The following ACOT7 variants were observed in gnomAD, a reference collection of about 807,000 sequenced individuals.
The protein encoded by ACOT7 is acyl-CoA thioesterase 7, also known as cytosolic acyl coenzyme A thioester hydrolase.
A neutral mutation model predicts 40.2 loss-of-function variants in ACOT7; 12 were observed. The observed-to-expected ratio is 0.30, with a 90% CI of 0.19 to 0.48. The LOEUF (loss-of-function observed/expected upper bound fraction) is 0.48, where lower values mean the gene tolerates loss of function less well. Among genes scored for constraint, ACOT7 ranks in the 20% least tolerant of loss-of-function variants. The probability of loss-of-function intolerance (pLI) is 0.99; values close to 1 mark genes in which losing one functional copy is unlikely to be tolerated. For missense variants in ACOT7, 395 were observed against 530.8 expected (o/e 0.74, Z 2.51); for synonymous variants, 228 against 219.5 (o/e 1.04, Z -0.34).
In ACOT7 at chr1:6,359,794, A is replaced by G. The variant is rs1162165564; in HGVS notation, c.144-9928T>C. ...ATCCTGTGACCAGCAAGGGAAATGG[A>G]AAGTCCCCAGCCAGAGTGCAGGCCG... is the stretch of plus-strand genomic sequence containing the variant. On this transcript the variant is annotated intron_variant, in intron 1 of 8. Transcript: ENST00000361521. This position sits in a 1 kb window ranked among gnomAD's most constrained non-coding sequence, Gnocchi z 4.1. Among the ~76,000 whole-genome samples the G allele has an allele frequency of 6.6e-6, 1 of 152,212 alleles. No homozygotes were observed. Among genetic ancestry groups the G allele is most frequent in the Non-Finnish European group, 1.5e-5 (1 of 68,034 alleles).
At position 6,310,569 on chromosome 1, in the gene ACOT7, T is replaced by C. The variant is rs558408436; in HGVS notation, c.712+7923A>G. On this transcript the variant is annotated intron_variant, in intron 6 of 8. Coordinates refer to ENST00000361521, the MANE Select transcript of ACOT7 (RefSeq NM_007274.4). ...CATAGGGACACGGTTGCTGGATCCA[T>C]TGAGACAAACCTACACTCTAGCTGT... Among the ~76,000 whole-genome samples, 60 of 152,234 alleles carry C rather than the reference T, an allele frequency of 3.9e-4. No individual in the cohort carries two copies. The South Asian group carries it at 9.9e-3, about 25-fold the overall frequency.
intron 6 of ACOT7, among the ~76,000 whole-genome samples, chr1:6,305,862 A>G (rs1212390151): frequency 1.3e-5 from 2 of 152,106 alleles, no homozygotes; most frequent in Admixed American, 6.5e-5. Context: ...GGTTGTAGCG[A>G]GCCGAGATCA....
chr1:6,276,459 C>A lies in ACOT7; in HGVS notation c.1014+4643G>T, dbSNP rs936484860. Among the ~76,000 whole-genome samples, 6 of 151,944 alleles carry A rather than the reference C, an allele frequency of 3.9e-5. No homozygotes were observed. The South Asian group carries it at 6.2e-4, about 16-fold the overall frequency. On this transcript the variant is annotated intron_variant, in intron 8 of 8. Transcript: ENST00000361521. ...GGGAAGTGCTGGCAGCTGCCCGGAG[C>A]GGGTGCGGCAGCCCCCAGCATAAAA...
chr1:6,327,355 T>A lies in ACOT7; in HGVS notation c.569A>T (p.Glu190Val). 3 of 1,614,178 alleles carry A rather than the reference T, an allele frequency of 1.9e-6. No individual in the cohort carries two copies. Among genetic ancestry groups the A allele is most frequent in the Non-Finnish European group, 2.5e-6 (3 of 1,180,024 alleles). The change falls in exon 5 of 9, where the codon GAG (glutamate) becomes GTG (valine). Residue 190 changes from glutamate (E) to valine (V), a missense_variant. Glu to Val is a moderately radical substitution (Grantham distance 121, BLOSUM62 -2). Transcript: ENST00000361521. Reference protein sequence around the residue: ...GRKRYEAQKLERMETKWRNGD... With the variant: ...GRKRYEAQKLVRMETKWRNGD... ...GTTCCTCCACTTGGTCTCCATGCGC[T>A]CCAGCTTCTGGGCTTCATACCGCTT...
intron 4 of ACOT7, among the ~76,000 whole-genome samples, chr1:6,332,701 G>A (rs1640990378): frequency 6.6e-6 from 1 of 152,036 alleles, no homozygotes. Context: ...GGCGCCTGTA[G>A]TCCCAGCTAC....
chr1:6,382,674 G>C (rs1642360695), intron 1 of ACOT7, among the ~76,000 whole-genome samples: 1 of 151,356 alleles, frequency 6.6e-6, no homozygotes, highest in African/African-American at 2.4e-5. Flanking sequence ...AAATTACCCA[G>C]GTATGGTAGC....
chr1:6,361,761 C>T (rs1044125757), intron 1 of ACOT7, among the ~76,000 whole-genome samples: 3 of 152,098 alleles, frequency 2.0e-5, no homozygotes, highest in East Asian at 1.9e-4. Context: ...CACGTCACTG[C>T]GTTACTGCAT....
At chr1:6,293,478 G>A (rs2148394178) in intron 7 of ACOT7, among the ~76,000 whole-genome samples, 1 of 152,348 alleles carries the variant, frequency 6.6e-6, no homozygotes, top group South Asian at 2.1e-4. Flanking sequence ...GTCTATGTTT[G>A]TGGCAAACAT....
chr1:6,385,480 C>T (rs1339054184), intron 1 of ACOT7: 11 of 1,603,236 alleles, frequency 6.9e-6, no homozygotes, highest in Non-Finnish European at 8.5e-6. Flanking sequence ...ACAAAATATT[C>T]CCAGTCATCC....
At chr1:6,265,338 C>T (rs775546648) in intron 8 of ACOT7, among the ~76,000 whole-genome samples, 14 of 152,138 alleles carry the variant, frequency 9.2e-5, no homozygotes, top group Admixed American at 9.2e-4. Context: ...ATTGCCCCAG[C>T]GAGAAGTGGG....
At chr1:6,378,130 G>A (rs554203948) in intron 1 of ACOT7, among the ~76,000 whole-genome samples, 2 of 147,256 alleles carry the variant, frequency 1.4e-5, no homozygotes, top group East Asian at 1.9e-4. Flanking sequence ...GCATCCACTC[G>A]CTACAATGCC....
chr1:6,274,461 G>A lies in ACOT7; in HGVS notation c.1014+6641C>T, dbSNP rs529892331. On this transcript the variant is annotated intron_variant, in intron 8 of 8. Coordinates refer to ENST00000361521, the MANE Select transcript of ACOT7 (RefSeq NM_007274.4). This position sits in a 1 kb window ranked among gnomAD's most constrained non-coding sequence, Gnocchi z 5.9. ...GCAGGTCAAACAGTGCCCTCCTTCCGGACGCTCCAGCCCATGCCACGCTGT... is the reference window on the plus strand; with the variant it reads ...GCAGGTCAAACAGTGCCCTCCTTCCAGACGCTCCAGCCCATGCCACGCTGT... Among the ~76,000 whole-genome samples, 43 of 152,168 alleles carry A rather than the reference G, an allele frequency of 2.8e-4. No individual in the cohort carries two copies. Among genetic ancestry groups the A allele is most frequent in the African/African-American group, 9.2e-4 (38 of 41,452 alleles).
intron 6 of ACOT7, among the ~76,000 whole-genome samples, chr1:6,309,049 G>T (rs550066065): frequency 6.6e-6 from 1 of 152,342 alleles, no homozygotes; most frequent in Admixed American, 6.5e-5. Flanking sequence ...TCGCCCTGTC[G>T]GCTTTCATTT....
At chr1:6,286,954 T>C (rs1639520253) in intron 7 of ACOT7, among the ~76,000 whole-genome samples, 1 of 152,156 alleles carries the variant, frequency 6.6e-6, no homozygotes, top group African/African-American at 2.4e-5. Context: ...AAGAAGCTAA[T>C]TTTTTGTATT....
At chr1:6,336,140 C>T (rs781398717) in intron 3 of ACOT7, among the ~76,000 whole-genome samples, 2 of 151,996 alleles carry the variant, frequency 1.3e-5, no homozygotes, top group Non-Finnish European at 1.5e-5. Context: ...AGCTCAGAAT[C>T]GAGACCATGC....
At chr1:6,344,023 A>C (rs1203784564) in intron 2 of ACOT7, among the ~76,000 whole-genome samples, 1 of 152,244 alleles carries the variant, frequency 6.6e-6, no homozygotes, top group Non-Finnish European at 1.5e-5. Flanking sequence ...GTGTGACTTC[A>C]GATGAGAGGC....
chr1:6,392,639 A>G (rs1031341412), intron 1 of ACOT7, among the ~76,000 whole-genome samples: 1 of 152,084 alleles, frequency 6.6e-6, no homozygotes, highest in African/African-American at 2.4e-5. Flanking sequence ...CTTCATAGTA[A>G]ACTGTTAGAG....
chr1:6,391,274 A>G (rs1360617077), intron 1 of ACOT7, among the ~76,000 whole-genome samples: 1 of 149,128 alleles, frequency 6.7e-6, no homozygotes. Context: ...CGAGGAGGGC[A>G]GATCACAGAT....
chr1:6,334,009 G>GATC (rs2148438823), intron 3 of ACOT7, among the ~76,000 whole-genome samples: 1 of 152,286 alleles, frequency 6.6e-6, no homozygotes, highest in Admixed American at 6.5e-5. Flanking sequence ...ACCCAACAGG[G>GATC]ATCACCCTGG....
Sources: gnomAD v4.1 joint callset for allele counts (sites outside exome capture counted in the v4.1 genomes callset) on GRCh38, gnomAD v4.1.1 for gene constraint, Gnocchi (gnomAD v3.1) non-coding constraint, MANE v1.5 for transcripts, NCBI Gene and HGNC (gene_info 2026-07-23, HGNC 2026-07-21) for gene names.